Variants in C1QTNF7 observed in about 807,000 individuals in gnomAD.
C1QTNF7 encodes the protein complement C1q tumor necrosis factor-related protein 7.
In C1QTNF7, 15 loss-of-function variants were observed where a neutral mutation model predicts 19.6. The ratio of observed to expected loss-of-function variants is 0.76; its 90% CI spans 0.51 to 1.18. The LOEUF (loss-of-function observed/expected upper bound fraction) is 1.18. Among genes scored for constraint, C1QTNF7 ranks in the 50% most tolerant of loss-of-function variants. The pLI, the probability that C1QTNF7 is intolerant of heterozygous loss-of-function variation, is 0.00. For synonymous variants in C1QTNF7, 142 were observed against 137.5 expected (o/e 1.03, Z -0.23); for missense variants, 324 against 359.7 (o/e 0.90, Z 0.80).
At chr4:15,383,167 A>G (rs1718209423) in intron 1 of C1QTNF7, among the ~76,000 whole-genome samples, 1 of 152,310 alleles carries the variant, frequency 6.6e-6, no homozygotes, top group South Asian at 2.1e-4. Context: ...AGCAGACACT[A>G]TGCAAACCAT....
intron 1 of C1QTNF7, among the ~76,000 whole-genome samples, chr4:15,434,420 T>C (rs891464881): frequency 6.6e-6 from 1 of 152,204 alleles, no homozygotes; most frequent in Non-Finnish European, 1.5e-5. Context: ...TTTTCTCACA[T>C]GGCTGTCAAA....
chr4:15,346,820 A>C (rs1249255808), intron 1 of C1QTNF7, among the ~76,000 whole-genome samples: 1 of 152,170 alleles, frequency 6.6e-6, no homozygotes, highest in African/African-American at 2.4e-5. Flanking sequence ...CCTTTGAAGG[A>C]TCTGCTTCTT....
chr4:15,414,780 G>C (rs2108919883), intron 1 of C1QTNF7, among the ~76,000 whole-genome samples: 1 of 152,020 alleles, frequency 6.6e-6, no homozygotes, highest in East Asian at 1.9e-4. Flanking sequence ...TTCTAGAGTT[G>C]TTCTATTTTT....
chr4:15,429,848 A>G (rs1712229110), intron 1 of C1QTNF7, among the ~76,000 whole-genome samples: 1 of 152,196 alleles, frequency 6.6e-6, no homozygotes, highest in African/African-American at 2.4e-5. Flanking sequence ...AGGAATCACT[A>G]TCCTGTTTTC....
Position 15,444,062 on chromosome 4 carries a change from T to C in C1QTNF7, c.*1263T>C, listed in dbSNP as rs1362080998. On this transcript the variant is annotated 3_prime_UTR_variant, in exon 3 of 3. Transcript: ENST00000444304. ...TCACTGAACTGCAATTCTTCAATTATTCTCTTCCATGATTTTGTCTGATCT... is the reference window on the plus strand; with the variant it reads ...TCACTGAACTGCAATTCTTCAATTACTCTCTTCCATGATTTTGTCTGATCT... 6.6e-6 allele frequency: 1 copy of C among 152,202 alleles called. No individual in the cohort carries two copies. The highest frequency in any genetic ancestry group is 1.5e-5 in the Non-Finnish European group (1 of 68,036). The allele number at this position is 152,202 out of a possible 1,614,324, so 9.4% of individuals were successfully genotyped here. A position where few individuals can be genotyped will look rare whatever the true frequency, so the allele number is the denominator to read the frequency against.
chr4:15,362,315 T>A (rs1167309354), intron 1 of C1QTNF7: 1 of 152,112 alleles, frequency 6.6e-6, no homozygotes, highest in South Asian at 2.1e-4. Context: ...AGTCTTCAAC[T>A]TTTGATTAGT....
intron 1 of C1QTNF7, among the ~76,000 whole-genome samples, chr4:15,421,602 C>A (rs1711763676): frequency 2.6e-5 from 4 of 152,132 alleles, no homozygotes; most frequent in Admixed American, 2.0e-4. Context: ...TATCACTCTC[C>A]TCATCCTAAA....
At chr4:15,402,211 G>C (rs754252289) in intron 1 of C1QTNF7, among the ~76,000 whole-genome samples, 3 of 152,178 alleles carry the variant, frequency 2.0e-5, no homozygotes, top group Non-Finnish European at 2.9e-5. Flanking sequence ...GAAAATAGCA[G>C]AGCAACCTCT....
At chr4:15,379,166 ATT>A (rs1718050867) in intron 1 of C1QTNF7, among the ~76,000 whole-genome samples, 1 of 152,178 alleles carries the variant, frequency 6.6e-6, no homozygotes, top group African/African-American at 2.4e-5. Flanking sequence ...TTTTAATATA[ATT>A]TTTTTGTAAA....
intron 1 of C1QTNF7, among the ~76,000 whole-genome samples, chr4:15,381,572 T>C (rs577464008): frequency 1.2e-3 from 180 of 152,284 alleles, no homozygotes; most frequent in African/African-American, 4.1e-3. Flanking sequence ...GTGCACTTAA[T>C]TAGGTATGGG....
chr4:15,425,614 G>C (rs2108929808), upstream of C1QTNF7, among the ~76,000 whole-genome samples: 1 of 152,292 alleles, frequency 6.6e-6, no homozygotes. Flanking sequence ...TTTAAAGTTA[G>C]CAACAACCTA....
At chr4:15,349,896 AGCTGTTGCTAG>A (rs1306881132) in intron 1 of C1QTNF7, among the ~76,000 whole-genome samples, 2 of 152,222 alleles carry the variant, frequency 1.3e-5, no homozygotes, top group East Asian at 3.9e-4. Flanking sequence ...TTATAGTTGA[AGCTGTTGCTAG>A]GGTGTTGCTA....
rs745924186 is a variant in C1QTNF7, at chr4:15,442,150, T to G, written c.239-18T>G. 68 of 1,577,250 alleles carry G rather than the reference T, an allele frequency of 4.3e-5. No homozygotes were observed. The East Asian group carries it at 1.1e-3, about 25-fold the overall frequency. ...TCTTTTGAGGAACTATTAATCAAAC[T>G]ATATACTCTTTCTGAAGGTTTGAGA... On this transcript the variant is annotated intron_variant, in intron 2 of 2. Transcript: ENST00000444304.
intron 1 of C1QTNF7, chr4:15,362,374 ACCCCT>A (rs1717373287): frequency 6.6e-6 from 1 of 151,842 alleles, no homozygotes; most frequent in Admixed American, 6.6e-5. Context: ...CAGATCTCAG[ACCCCT>A]CCCCTAAGTC....
At chr4:15,385,893 G>T (rs1273055272) in intron 1 of C1QTNF7, among the ~76,000 whole-genome samples, 2 of 152,170 alleles carry the variant, frequency 1.3e-5, no homozygotes, top group African/African-American at 2.4e-5. Flanking sequence ...TATTACATTA[G>T]ATTACTCTGT....
Position 15,434,875 on chromosome 4 carries a change from C to T in C1QTNF7, c.-8-861C>T, listed in dbSNP as rs140368076. On this transcript the variant is annotated intron_variant, in intron 1 of 2. Coordinates refer to ENST00000444304, the MANE Select transcript of C1QTNF7 (RefSeq NM_031911.5). ...GTGCTAACAGCTTAATGGGACACCA[C>T]GACATTATATCCTGCAGATTTTAAA... 1.6e-4 allele frequency among the ~76,000 whole-genome samples: 25 copies of T among 152,274 alleles called. 1 individual carries two copies. The highest frequency in any genetic ancestry group is 2.2e-4 in the Non-Finnish European group (15 of 68,034).
intron 1 of C1QTNF7, among the ~76,000 whole-genome samples, chr4:15,364,477 A>G (rs1024267242): frequency 2.6e-5 from 4 of 152,214 alleles, no homozygotes; most frequent in Middle Eastern, 3.2e-3. Context: ...TGATGACTAC[A>G]GCCTGCCACC....
intron 1 of C1QTNF7, among the ~76,000 whole-genome samples, chr4:15,428,448 A>G (rs1043146809): frequency 2.6e-5 from 4 of 152,082 alleles, no homozygotes; most frequent in African/African-American, 9.7e-5. Flanking sequence ...TCAATAATGA[A>G]CTGTTGACAA....
chr4:15,423,450 CT>C (rs1412144482), upstream of C1QTNF7, among the ~76,000 whole-genome samples: 3 of 152,252 alleles, frequency 2.0e-5, no homozygotes, highest in Admixed American at 2.0e-4. Context: ...GAACCCACCT[CT>C]TTCCCTGCAA....
Sources: gnomAD v4.1 joint callset for allele counts (sites outside exome capture counted in the v4.1 genomes callset) on GRCh38, gnomAD v4.1.1 for gene constraint, MANE v1.5 for transcripts, NCBI Gene and HGNC (gene_info 2026-07-23, HGNC 2026-07-21) for gene names.